The following NME7 variants were observed in gnomAD, a reference collection of about 807,000 sequenced individuals.
NME7 encodes the protein nucleoside diphosphate kinase 7.
A neutral mutation model predicts 49.1 loss-of-function variants in NME7; 41 were observed. The ratio of observed to expected loss-of-function variants is 0.83; its 90% CI spans 0.65 to 1.08. The LOEUF (loss-of-function observed/expected upper bound fraction) is 1.08, where lower values mean the gene tolerates loss of function less well. NME7 is among the 50% of genes least tolerant of loss of function. The probability of loss-of-function intolerance (pLI) is 0.00; values close to 1 mark genes in which losing one functional copy is unlikely to be tolerated. For missense variants in NME7, 423 were observed against 463.4 expected (o/e 0.91, Z 0.80); for synonymous variants, 139 against 150.6 (o/e 0.92, Z 0.56).
chr1:169,254,753 G>A (rs1476317553), intron 7 of NME7, among the ~76,000 whole-genome samples: 1 of 143,644 alleles, frequency 7.0e-6, no homozygotes, highest in East Asian at 2.6e-4. Context: ...CAGAGATTCT[G>A]GTATGTTGTG....
chr1:169,351,098 G>T (rs1416459946), intron 1 of NME7, among the ~76,000 whole-genome samples: 1 of 151,262 alleles, frequency 6.6e-6, no homozygotes, highest in Non-Finnish European at 1.5e-5. Flanking sequence ...ACACACACAT[G>T]CCCTACAACT....
At chr1:169,249,604 G>A (rs1054152118) in intron 7 of NME7, among the ~76,000 whole-genome samples, 1 of 152,070 alleles carries the variant, frequency 6.6e-6, no homozygotes, top group East Asian at 1.9e-4. Flanking sequence ...TTATTATGAT[G>A]TTAGCTGTGG....
chr1:169,133,054 T>C (rs571929326), intron 11 of NME7, among the ~76,000 whole-genome samples: 2 of 152,262 alleles, frequency 1.3e-5, no homozygotes, highest in Admixed American at 6.5e-5. Flanking sequence ...ACATGAAGTG[T>C]TGGTTCCTGC....
intron 10 of NME7, among the ~76,000 whole-genome samples, chr1:169,226,489 T>G (rs997853273): frequency 6.6e-6 from 1 of 152,072 alleles, no homozygotes; most frequent in Non-Finnish European, 1.5e-5. Flanking sequence ...AGCCATTTTA[T>G]TGTCCTCAAA....
chr1:169,349,869 C>T (rs1299569761), intron 1 of NME7, among the ~76,000 whole-genome samples: 1 of 152,086 alleles, frequency 6.6e-6, no homozygotes, highest in Admixed American at 6.6e-5. Context: ...TCTAAGCAAG[C>T]TATTACTGAG....
intron 5 of NME7, among the ~76,000 whole-genome samples, chr1:169,300,156 G>C (rs1217789278): frequency 6.6e-6 from 1 of 152,100 alleles, no homozygotes; most frequent in Non-Finnish European, 1.5e-5. Flanking sequence ...CAGGCAACTA[G>C]TTAATTCATT....
chr1:169,185,954 T>G (rs1466659111), intron 10 of NME7, among the ~76,000 whole-genome samples: 2 of 152,162 alleles, frequency 1.3e-5, no homozygotes, highest in African/African-American at 4.8e-5. Context: ...TAATATATGA[T>G]GTTTGCATTG....
chr1:169,193,750 T>C (rs1427339665), intron 10 of NME7, among the ~76,000 whole-genome samples: 1 of 152,166 alleles, frequency 6.6e-6, no homozygotes, highest in Non-Finnish European at 1.5e-5. Flanking sequence ...TCCTTCTGAC[T>C]GTGATAGGGA....
In NME7 at chr1:169,221,829, C is replaced by T. The variant is rs1661150536; in HGVS notation, c.990+8889G>A. 2.0e-5 allele frequency among the ~76,000 whole-genome samples: 3 copies of T among 152,014 alleles called. No individual in the cohort carries two copies. In the South Asian group the frequency reaches 6.2e-4, roughly 32 times the overall value. On this transcript the variant is annotated intron_variant, in intron 10 of 11. Transcript: ENST00000367811. ...AGCCTTAACCTATTACAGGCATGTG[C>T]CACCATGCCTGGCAACTTTTGTATT... is the stretch of plus-strand genomic sequence containing the variant.
chr1:169,254,203 T>C (rs1648784529), intron 7 of NME7, among the ~76,000 whole-genome samples: 1 of 150,406 alleles, frequency 6.6e-6, no homozygotes. Context: ...TGGACTCTTT[T>C]TGGTTGGTAA....
intron 7 of NME7, among the ~76,000 whole-genome samples, chr1:169,248,656 T>C (rs1314470871): frequency 2.0e-5 from 3 of 152,150 alleles, no homozygotes; most frequent in Admixed American, 2.0e-4. Flanking sequence ...GATTTTTGTA[T>C]AAGGTAAGGG....
In NME7 at chr1:169,367,747, T is replaced by G. The variant is rs1653939791; in HGVS notation, c.-37A>C. 4 of 1,613,850 alleles carry G rather than the reference T, an allele frequency of 2.5e-6. No individual in the cohort carries two copies. The East Asian group carries it at 8.9e-5, about 36-fold the overall frequency. On this transcript the variant is annotated 5_prime_UTR_variant, in exon 1 of 12. Transcript: ENST00000367811. Reference sequence around the variant, plus strand: ...CTCAGCACTAGAAAATAGGTATCGTTGAGACAGGAAGACACCACCACCACC... The same window carrying G: ...CTCAGCACTAGAAAATAGGTATCGTGGAGACAGGAAGACACCACCACCACC...
intron 10 of NME7, among the ~76,000 whole-genome samples, chr1:169,186,185 A>G (rs1379060685): frequency 6.6e-6 from 1 of 152,136 alleles, no homozygotes; most frequent in African/African-American, 2.4e-5. Flanking sequence ...GCAAAAGGGA[A>G]GAGATGTGGC....
intron 1 of NME7, among the ~76,000 whole-genome samples, chr1:169,325,044 C>T (rs1652010136): frequency 6.6e-6 from 1 of 151,700 alleles, no homozygotes; most frequent in Non-Finnish European, 1.5e-5. Flanking sequence ...TCTAGGACCT[C>T]TGAAAATGAA....
At chr1:169,202,205 G>A (rs1179399354) in intron 10 of NME7, among the ~76,000 whole-genome samples, 1 of 152,178 alleles carries the variant, frequency 6.6e-6, no homozygotes, top group Non-Finnish European at 1.5e-5. Flanking sequence ...CTCCAGTGCT[G>A]GAGGTGAGGT....
chr1:169,353,891 A>T (rs960673774), intron 1 of NME7, among the ~76,000 whole-genome samples: 10 of 152,108 alleles, frequency 6.6e-5, no homozygotes, highest in Non-Finnish European at 1.5e-4. Flanking sequence ...TATCCAAAGG[A>T]CAGGCAGTAA....
chr1:169,264,915 G>T (rs1299189388), intron 7 of NME7, among the ~76,000 whole-genome samples: 2 of 133,776 alleles, frequency 1.5e-5, no homozygotes, highest in African/African-American at 5.1e-5. Context: ...AGTTCAGCAT[G>T]GCTAGGGAGG....
At chr1:169,157,588 A>C (rs982544169) in intron 11 of NME7, among the ~76,000 whole-genome samples, 1 of 152,212 alleles carries the variant, frequency 6.6e-6, no homozygotes, top group African/African-American at 2.4e-5. Context: ...AAATCTGGGT[A>C]ATCAATCAGG....
chr1:169,297,889 T>C (rs956744028), intron 6 of NME7, among the ~76,000 whole-genome samples: 2 of 152,190 alleles, frequency 1.3e-5, no homozygotes, highest in Admixed American at 1.3e-4. Context: ...GATTCAGGGT[T>C]TATTTTGAAA....
Sources: allele counts gnomAD v4.1 joint callset (sites outside exome capture counted in the v4.1 genomes callset), GRCh38; gene constraint gnomAD v4.1.1; transcripts MANE v1.5; gene names NCBI Gene and HGNC (gene_info 2026-07-23, HGNC 2026-07-21).